Variants in BLNK observed in about 807,000 individuals in gnomAD.
BLNK encodes B-cell linker protein.
BLNK carries 29 observed loss-of-function variants against 73.5 expected under a neutral mutation model. The observed-to-expected ratio is 0.39, with a 90% CI of 0.29 to 0.54. BLNK has a LOEUF of 0.54. Among genes scored for constraint, BLNK ranks in the 20% least tolerant of loss-of-function variants. The pLI is 0.61. For synonymous variants in BLNK, 176 were observed against 200.8 expected (o/e 0.88, Z 1.04); for missense variants, 460 against 562.8 (o/e 0.82, Z 1.85).
chr10:96,205,685 T>C (rs1554897281), intron 11 of BLNK, among the ~76,000 whole-genome samples: 1 of 152,204 alleles, frequency 6.6e-6, no homozygotes, highest in Non-Finnish European at 1.5e-5. Flanking sequence ...CTTCCTAGGC[T>C]AGTAGAGGCC....
At chr10:96,239,767 T>A (rs587686996) in intron 3 of BLNK, among the ~76,000 whole-genome samples, 1 of 152,064 alleles carries the variant, frequency 6.6e-6, no homozygotes, top group Non-Finnish European at 1.5e-5. Flanking sequence ...GAATAATAGA[T>A]GGATGCTACC....
At chr10:96,265,661 A>C (rs1843966334) in intron 1 of BLNK, among the ~76,000 whole-genome samples, 1 of 152,242 alleles carries the variant, frequency 6.6e-6, no homozygotes, top group Non-Finnish European at 1.5e-5. Context: ...CTGAGCAAAG[A>C]CCACAACAAT....
Position 96,271,455 on chromosome 10 carries a change from C to T in BLNK, c.-57G>A. On this transcript the variant is annotated 5_prime_UTR_variant, in exon 1 of 17. Coordinates refer to ENST00000224337, the MANE Select transcript of BLNK (RefSeq NM_013314.4). Reference sequence around the variant, plus strand: ...CTGTCCAGTGGTCACGTCAGCAGTTCCTGGCCCTCCTAGGGAGCAGCATGG... The same window carrying T: ...CTGTCCAGTGGTCACGTCAGCAGTTTCTGGCCCTCCTAGGGAGCAGCATGG... The T allele has an allele frequency of 1.9e-6, 3 of 1,566,558 alleles. No homozygotes were observed. Among genetic ancestry groups the T allele is most frequent in the Non-Finnish European group, 2.6e-6 (3 of 1,137,046 alleles).
chr10:96,254,586 C>T (rs1433071273), intron 1 of BLNK, among the ~76,000 whole-genome samples: 1 of 152,054 alleles, frequency 6.6e-6, no homozygotes, highest in Non-Finnish European at 1.5e-5. Context: ...TCTCAGCTCA[C>T]TGCAACCTCC....
Position 96,189,360 on chromosome 10 carries a change from C to G in BLNK, c.*2613G>C, listed in dbSNP as rs1426643168. 8.9e-6 allele frequency: 5 copies of G among 563,554 alleles called. No homozygotes were observed. In the Admixed American group the frequency reaches 1.0e-4, roughly 12 times the overall value. 34.9% of individuals were successfully genotyped at this position (563,554 alleles called of 1,614,324 possible). A position where few individuals can be genotyped will look rare whatever the true frequency, so the allele number is the denominator to read the frequency against. On this transcript the variant is annotated 3_prime_UTR_variant, in exon 17 of 17. Coordinates refer to ENST00000224337, the MANE Select transcript of BLNK (RefSeq NM_013314.4). Reference sequence around the variant, plus strand: ...GTTAACAAATTGTTTAAACTATTTTCTAAAGAGACTTCCTCCACTGCCAGG... The same window carrying G: ...GTTAACAAATTGTTTAAACTATTTTGTAAAGAGACTTCCTCCACTGCCAGG...
intron 5 of BLNK, 120 bp downstream of exon 5, chr10:96,227,290 C>T (rs757342503): frequency 5.8e-5 from 78 of 1,334,362 alleles, no homozygotes; most frequent in African/African-American, 8.7e-5. Flanking sequence ...GTGGCGGGAG[C>T]GGGCGGCTGG....
chr10:96,219,003 G>C (rs1249590188), intron 6 of BLNK, among the ~76,000 whole-genome samples: 1 of 152,220 alleles, frequency 6.6e-6, no homozygotes, highest in South Asian at 2.1e-4. Context: ...TGTATGACCT[G>C]TGGGGGAGTT....
At chr10:96,213,548 A>G (rs193026071) in intron 8 of BLNK, among the ~76,000 whole-genome samples, 400 of 152,224 alleles carry the variant, frequency 2.6e-3, no homozygotes, top group Non-Finnish European at 4.7e-3. Flanking sequence ...GAACACAAAG[A>G]CCAAGAAGCA....
rs373267215 is a variant in BLNK, at chr10:96,209,116, ATGAC to A, written c.746+718_746+721del. Among the ~76,000 whole-genome samples the A allele has an allele frequency of 3.1e-3, 471 of 152,364 alleles. 1 individual carries two copies. Among genetic ancestry groups the A allele is most frequent in the African/African-American group, 0.01 (426 of 41,588 alleles). ...GCCCTTCTAAATTCAATAAGAAAGA[ATGAC>A]TGTCACTTTCGAGAGGAACTTCAGT... On this transcript the variant is annotated intron_variant, in intron 9 of 16. Transcript: ENST00000224337.
At chr10:96,203,516 T>G (rs1554896711) in intron 13 of BLNK, 1 of 152,122 alleles carries the variant, frequency 6.6e-6, no homozygotes, top group Admixed American at 6.5e-5. Flanking sequence ...TGCAGGCAAA[T>G]TAAGGTTTGG....
rs1554903779 is a variant in BLNK, at chr10:96,230,769, C to A, written c.204+25G>T. 1.9e-6 allele frequency: 3 copies of A among 1,603,784 alleles called. No homozygotes were observed. In the South Asian group the frequency reaches 3.4e-5, roughly 18 times the overall value. On this transcript the variant is annotated intron_variant, in intron 4 of 16. Transcript: ENST00000224337. ...GCCTCCCATGGGACCCTGATGCCCT[C>A]CTGGTCCCAGGAGCAAATACTTACA...
In BLNK at chr10:96,189,369, C is replaced by T. The variant is rs1181824509; in HGVS notation, c.*2604G>A. ...TTGTTTAAACTATTTTCTAAAGAGACTTCCTCCACTGCCAGGATCTTGAAT... is the reference window on the plus strand; with the variant it reads ...TTGTTTAAACTATTTTCTAAAGAGATTTCCTCCACTGCCAGGATCTTGAAT... On this transcript the variant is annotated 3_prime_UTR_variant, in exon 17 of 17. Transcript: ENST00000224337. The T allele has an allele frequency of 1.8e-6, 1 of 569,470 alleles. No homozygotes were observed. Among genetic ancestry groups the T allele is most frequent in the South Asian group, 1.4e-5 (1 of 69,138 alleles). 35.3% of individuals were successfully genotyped at this position (569,470 alleles called of 1,614,324 possible).
intron 1 of BLNK, among the ~76,000 whole-genome samples, chr10:96,247,356 C>T (rs570814234): frequency 2.6e-5 from 4 of 152,134 alleles, no homozygotes; most frequent in Non-Finnish European, 4.4e-5. Context: ...ATCTACGTTA[C>T]GAAGATAGAT....
intron 8 of BLNK, among the ~76,000 whole-genome samples, chr10:96,212,145 C>T (rs1554898794): frequency 6.6e-6 from 1 of 152,126 alleles, no homozygotes; most frequent in Non-Finnish European, 1.5e-5. Context: ...CAGAGGACAG[C>T]ATGATTGTCA....
intron 3 of BLNK, among the ~76,000 whole-genome samples, chr10:96,237,120 G>A (rs1413397892): frequency 1.3e-5 from 2 of 152,182 alleles, no homozygotes; most frequent in African/African-American, 4.8e-5. Context: ...CAGGACTGAT[G>A]TTGGATATAG....
At chr10:96,203,815 T>A in intron 13 of BLNK, 2 of 366,532 alleles carry the variant, frequency 5.5e-6, no homozygotes, top group East Asian at 4.4e-5. Flanking sequence ...GGATGCATGA[T>A]CAGTAAAATA....
At chr10:96,251,493 C>T (rs1403141290) in intron 1 of BLNK, among the ~76,000 whole-genome samples, 1 of 152,216 alleles carries the variant, frequency 6.6e-6, no homozygotes, top group Non-Finnish European at 1.5e-5. Context: ...AACAGCTTCA[C>T]TTTGATTATC....
In BLNK at chr10:96,217,516, G is replaced by A. The variant is rs138295457; in HGVS notation, c.526-782C>T. On this transcript the variant is annotated intron_variant, in intron 6 of 16. Coordinates refer to ENST00000224337, the MANE Select transcript of BLNK (RefSeq NM_013314.4). ...ACAGCCATCCTTGTGTGTGCAAAAT[G>A]ATATCTCATTATAGTTTTGATTTGC... Among the ~76,000 whole-genome samples the A allele has an allele frequency of 3.1e-3, 471 of 152,290 alleles. 4 individuals carry two copies. The highest frequency in any genetic ancestry group is 0.011 in the African/African-American group (442 of 41,556).
In BLNK at chr10:96,191,915, A is replaced by G; in HGVS notation, c.*58T>C. The G allele has an allele frequency of 6.2e-7, 1 of 1,608,580 alleles. No individual in the cohort carries two copies. Among genetic ancestry groups the G allele is most frequent in the South Asian group, 1.1e-5 (1 of 90,378 alleles). On this transcript the variant is annotated 3_prime_UTR_variant, in exon 17 of 17. Transcript: ENST00000224337. Reference sequence around the variant, plus strand: ...TATGAAGTTTTGGGACTTTTTCTCAAAAGGAGAAACTTTGGGAAAGTGTCT... The same window carrying G: ...TATGAAGTTTTGGGACTTTTTCTCAGAAGGAGAAACTTTGGGAAAGTGTCT...
Sources: allele counts gnomAD v4.1 joint callset (sites outside exome capture counted in the v4.1 genomes callset), GRCh38; gene constraint gnomAD v4.1.1; transcripts MANE v1.5; gene names NCBI Gene and HGNC (gene_info 2026-07-23, HGNC 2026-07-21).